PTGR1: variants seen among roughly 807,000 people sequenced by gnomAD.
PTGR1 encodes 15-oxoprostaglandin 13-reductase.
In PTGR1, 23 loss-of-function variants were observed where a neutral mutation model predicts 37.7. That is an observed-to-expected ratio of 0.61 (90% CI 0.44 to 0.86). The LOEUF is 0.86. Among genes scored for constraint, PTGR1 ranks in the 40% least tolerant of loss-of-function variants. The pLI, the probability that PTGR1 is intolerant of heterozygous loss-of-function variation, is 0.00. For synonymous variants in PTGR1, 134 were observed against 140.0 expected (o/e 0.96, Z 0.30); for missense variants, 351 against 394.3 (o/e 0.89, Z 0.93).
chr9:111,559,290 T>A (rs1828208445), downstream of PTGR1, among the ~76,000 whole-genome samples: 1 of 152,102 alleles, frequency 6.6e-6, no homozygotes, highest in Non-Finnish European at 1.5e-5. Flanking sequence ...TTAAACTCCA[T>A]GCCAAGCTGC....
At position 111,586,002 on chromosome 9, in the gene PTGR1, G is replaced by T; in HGVS notation, c.373C>A (p.Pro125Thr). Residue 125 changes from proline to threonine, a missense_variant, in exon 5 of 10, where the codon CCA (proline) becomes ACA (threonine). By Grantham distance (38) the Pro-to-Thr change is conservative (BLOSUM62 -1). Transcript: ENST00000407693. ...GAATATATCCATGAAACTCACCCTG[G>T]CATGCCAACTGTCCCCAGAGCCAAA... The part of the protein sequence containing the change: ...LSLALGTVGM[P>T]GLTAYFGLLE... 6.2e-7 allele frequency: 1 copy of T among 1,613,952 alleles called. No individual in the cohort carries two copies. The highest frequency in any genetic ancestry group is 8.5e-7 in the Non-Finnish European group (1 of 1,179,922).
chr9:111,572,514 G>T (rs566965599), intron 8 of PTGR1, among the ~76,000 whole-genome samples: 2 of 151,940 alleles, frequency 1.3e-5, no homozygotes, highest in African/African-American at 4.8e-5. Flanking sequence ...CGCTTGAACC[G>T]GGGAGGCAGA....
chr9:111,588,519 G>A (rs1033580596), intron 4 of PTGR1, among the ~76,000 whole-genome samples: 3 of 140,736 alleles, frequency 2.1e-5, no homozygotes, highest in South Asian at 2.3e-4. Flanking sequence ...CGTGAGCCAC[G>A]TGCCTGGCCA....
chr9:111,592,860 C>T, intron 4 of PTGR1, 66 bp downstream of exon 4: 2 of 1,572,946 alleles, frequency 1.3e-6, no homozygotes, highest in East Asian at 2.3e-5. Flanking sequence ...TGGACAGAGA[C>T]AGGACCCAGC....
At chr9:111,557,377 T>TA (rs201364819) in intron 9 of PTGR1, among the ~76,000 whole-genome samples, 15,048 of 143,888 alleles carry the variant, frequency 0.1, 837 homozygotes, top group East Asian at 0.26. Context: ...CCATCTCCAG[T>TA]AAAAAAAAAA....
chr9:111,550,189 G>A (rs967424543), intron 9 of PTGR1, among the ~76,000 whole-genome samples: 1 of 152,118 alleles, frequency 6.6e-6, no homozygotes, highest in African/African-American at 2.4e-5. Context: ...TTCCCTGGGC[G>A]GGAGCAATGG....
chr9:111,573,566 G>T (rs117625081), intron 8 of PTGR1, among the ~76,000 whole-genome samples: 1 of 151,942 alleles, frequency 6.6e-6, no homozygotes, highest in Non-Finnish European at 1.5e-5. Context: ...CTACTTTCTC[G>T]TACTTTCTCC....
At position 111,570,103 on chromosome 9, in the gene PTGR1, T is replaced by C. The variant is rs1031963626; in HGVS notation, c.867A>G (p.Lys289=). Residue 289 remains lysine (K), a synonymous_variant, in exon 9 of 10, where the codon AAA becomes AAG. Coordinates refer to ENST00000407693, the MANE Select transcript of PTGR1 (RefSeq NM_001146108.2). ...ARQKALKDLL[K]WVLEGKIQYK... ...CGGAGCTCCTTACCTCTAAGACCCA[T>C]TTCAGCAAGTCCTTCAGAGCTTTTT... 1 of 1,614,108 alleles carries C rather than the reference T, an allele frequency of 6.2e-7. No individual in the cohort carries two copies. Among genetic ancestry groups the C allele is most frequent in the African/African-American group, 1.3e-5 (1 of 75,032 alleles).
At chr9:111,594,320 C>A (rs1829712665) in intron 2 of PTGR1, 53 bp from the exon 3 acceptor site, 5 of 1,492,546 alleles carry the variant, frequency 3.3e-6, no homozygotes, top group African/African-American at 1.4e-5. Flanking sequence ...CTGAGAGGAA[C>A]AATAGACACT....
intron 9 of PTGR1, among the ~76,000 whole-genome samples, chr9:111,557,417 T>G (rs540316467): frequency 1.3e-5 from 2 of 148,962 alleles, no homozygotes; most frequent in East Asian, 4.0e-4. Flanking sequence ...AAAGGTACCA[T>G]GCCGTTGAAC....
At chr9:111,553,312 T>A (rs1392342041) in intron 9 of PTGR1, among the ~76,000 whole-genome samples, 2 of 152,226 alleles carry the variant, frequency 1.3e-5, no homozygotes, top group Non-Finnish European at 2.9e-5. Flanking sequence ...AGTACCAGCT[T>A]CTGTATCTGC....
rs1223651886 is a variant in PTGR1, at chr9:111,562,886, A to G, written c.*235T>C. The G allele has an allele frequency of 2.5e-6, 3 of 1,217,360 alleles. No individual in the cohort carries two copies. The highest frequency in any genetic ancestry group is 3.1e-5 in the African/African-American group (2 of 65,462). 75.4% of individuals were successfully genotyped at this position (1,217,360 alleles called of 1,614,324 possible). On this transcript the variant is annotated 3_prime_UTR_variant, in exon 10 of 10. Coordinates refer to ENST00000407693, the MANE Select transcript of PTGR1 (RefSeq NM_001146108.2). Reference sequence around the variant, plus strand: ...TCACACTTCAAAGCCATTATTTTCTACCACAACTCAGAAGAAGCTGTAGTG... The same window carrying G: ...TCACACTTCAAAGCCATTATTTTCTGCCACAACTCAGAAGAAGCTGTAGTG...
intron 8 of PTGR1, among the ~76,000 whole-genome samples, chr9:111,573,745 C>A (rs1828934560): frequency 6.6e-6 from 1 of 151,996 alleles, no homozygotes; most frequent in Non-Finnish European, 1.5e-5. Flanking sequence ...CTCTCCACAC[C>A]CATAAAATGA....
In PTGR1 at chr9:111,586,096, C is replaced by T. The variant is rs368370000; in HGVS notation, c.279G>A (p.Thr93=). Residue 93 remains threonine, a synonymous_variant, in exon 5 of 10, where the codon ACG becomes ACA. Coordinates refer to ENST00000407693, the MANE Select transcript of PTGR1 (RefSeq NM_001146108.2). ...GATCTTTCCCATCAGAAATGGAGTG[C>T]GTTGTCCAGCCTGGAGAAGCCAGTA... ...TIVLASPGWT[T]HSISDGKDLE... is the part of the protein sequence containing the mutation. The T allele has an allele frequency of 3.8e-5, 62 of 1,614,140 alleles. No individual in the cohort carries two copies. In the East Asian group the frequency reaches 5.8e-4, roughly 15 times the overall value.
At chr9:111,567,359 T>C (rs1828610107) in intron 9 of PTGR1, among the ~76,000 whole-genome samples, 1 of 152,164 alleles carries the variant, frequency 6.6e-6, no homozygotes, top group South Asian at 2.1e-4. Context: ...AGCTAATTTT[T>C]GTATTTTTAG....
rs541391711 is a variant in PTGR1, at chr9:111,581,716, C to G, written c.495+1756G>C. 4.6e-5 allele frequency among the ~76,000 whole-genome samples: 7 copies of G among 152,172 alleles called. No homozygotes were observed. In the East Asian group the frequency reaches 1.4e-3, roughly 29 times the overall value. ...TGAACTTCTGAGCTCAAGGGATCCT[C>G]TTGCCTCAGCCAGAATTCTGAGAAG... On this transcript the variant is annotated intron_variant, in intron 6 of 9. Coordinates refer to ENST00000407693, the MANE Select transcript of PTGR1 (RefSeq NM_001146108.2).
At position 111,585,989 on chromosome 9, in the gene PTGR1, G is replaced by A; in HGVS notation, c.377+9C>T. On this transcript the variant is annotated intron_variant, in intron 5 of 9. Transcript: ENST00000407693. ...ATTCAAACAAATGGAATATATCCAT[G>A]AAACTCACCCTGGCATGCCAACTGT... The A allele has an allele frequency of 6.2e-7, 1 of 1,613,756 alleles. No individual in the cohort carries two copies. Among genetic ancestry groups the A allele is most frequent in the Non-Finnish European group, 8.5e-7 (1 of 1,179,768 alleles).
intron 8 of PTGR1, among the ~76,000 whole-genome samples, chr9:111,572,737 AC>A (rs1470108454): frequency 1.4e-5 from 2 of 147,680 alleles, no homozygotes; most frequent in Admixed American, 6.8e-5. Context: ...AGCCTGGGCA[AC>A]AAAGCGAGAC....
chr9:111,569,911 T>C, intron 9 of PTGR1, 180 bp downstream of exon 9: 1 of 1,018,782 alleles, frequency 9.8e-7, no homozygotes, highest in Non-Finnish European at 1.4e-6. Flanking sequence ...AGAGGGTTGT[T>C]TTGTTTTCCT....
Sources: allele counts gnomAD v4.1 joint callset (sites outside exome capture counted in the v4.1 genomes callset), GRCh38; gene constraint gnomAD v4.1.1; transcripts MANE v1.5; gene names NCBI Gene and HGNC (gene_info 2026-07-23, HGNC 2026-07-21).